The following STK39 variants were observed in gnomAD, a reference collection of about 807,000 sequenced individuals.
STK39 encodes the protein STE20/SPS1-related proline-alanine-rich protein kinase.
Under a neutral mutation model 77.8 loss-of-function variants are expected in STK39, and 20 were observed. The ratio of observed to expected loss-of-function variants is 0.26; its 90% CI spans 0.18 to 0.37. The LOEUF is 0.37. Ranked by LOEUF, STK39 falls within the 10% of genes least tolerant of loss-of-function variation. The pLI, the probability that STK39 is intolerant of heterozygous loss-of-function variation, is 1.00. For synonymous variants in STK39, 246 were observed against 234.1 expected (o/e 1.05, Z -0.47); for missense variants, 479 against 656.5 (o/e 0.73, Z 2.95).
At chr2:168,055,316 T>C (rs965051146) in intron 14 of STK39, among the ~76,000 whole-genome samples, 1 of 152,244 alleles carries the variant, frequency 6.6e-6, no homozygotes, top group African/African-American at 2.4e-5. Flanking sequence ...ACATCGTTTC[T>C]AACAGATTTA....
At chr2:168,200,652 G>A (rs72876940) in intron 1 of STK39, among the ~76,000 whole-genome samples, 5,346 of 151,242 alleles carry the variant, frequency 0.035, 173 homozygotes, top group Non-Finnish European at 0.055. Context: ...ACTCCAGCCC[G>A]GAAAACAGAG....
At chr2:168,104,551 A>G (rs1686919879) in intron 10 of STK39, among the ~76,000 whole-genome samples, 1 of 152,166 alleles carries the variant, frequency 6.6e-6, no homozygotes, top group Non-Finnish European at 1.5e-5. Context: ...GCACATGCTT[A>G]GGGGTGGGTA....
chr2:168,006,767 G>C (rs1684143166), intron 16 of STK39, among the ~76,000 whole-genome samples: 1 of 152,182 alleles, frequency 6.6e-6, no homozygotes, highest in Non-Finnish European at 1.5e-5. Flanking sequence ...CTTGCCTAAG[G>C]TAGTGCCGAG....
At chr2:168,032,798 G>A (rs1684861248) in intron 14 of STK39, among the ~76,000 whole-genome samples, 1 of 152,242 alleles carries the variant, frequency 6.6e-6, no homozygotes, top group African/African-American at 2.4e-5. Context: ...GAAAAGATAA[G>A]AGGGCCCTTT....
intron 14 of STK39, among the ~76,000 whole-genome samples, chr2:168,059,623 G>C (rs1685610904): frequency 6.6e-6 from 1 of 152,172 alleles, no homozygotes; most frequent in Non-Finnish European, 1.5e-5. Flanking sequence ...CGATGAGCAT[G>C]CCGCAATTTC....
chr2:168,132,019 C>T (rs914569378), intron 8 of STK39, among the ~76,000 whole-genome samples: 1 of 152,160 alleles, frequency 6.6e-6, no homozygotes, highest in African/African-American at 2.4e-5. Flanking sequence ...CAGTGTGCTG[C>T]TCAACGGCAA....
chr2:168,023,455 G>A (rs899018696), intron 14 of STK39, among the ~76,000 whole-genome samples: 2 of 152,158 alleles, frequency 1.3e-5, no homozygotes, highest in African/African-American at 4.8e-5. Flanking sequence ...TGGTGGAGGT[G>A]CAGAAGGCAG....
chr2:168,017,608 G>A lies in STK39; in HGVS notation c.1377-513C>T, dbSNP rs140842975. Reference sequence around the variant, plus strand: ...GCTGGTCCCAAACTCCCGACCTCAGGTGATCCCCCCAGCCTCGGCCTCCCA... The same window carrying A: ...GCTGGTCCCAAACTCCCGACCTCAGATGATCCCCCCAGCCTCGGCCTCCCA... On this transcript the variant is annotated intron_variant, in intron 14 of 17. Transcript: ENST00000355999. Among the ~76,000 whole-genome samples the A allele has an allele frequency of 3.0e-4, 46 of 151,980 alleles. 2 individuals carry two copies. The Middle Eastern group carries it at 0.024, about 79-fold the overall frequency.
intron 1 of STK39, among the ~76,000 whole-genome samples, chr2:168,228,227 G>A (rs1690358051): frequency 6.6e-6 from 1 of 152,112 alleles, no homozygotes; most frequent in Non-Finnish European, 1.5e-5. Context: ...CTTTTGCCAA[G>A]CAAGTATTAA....
intron 14 of STK39, among the ~76,000 whole-genome samples, chr2:168,020,447 AG>A (rs1190750624): frequency 6.6e-6 from 1 of 152,070 alleles, no homozygotes; most frequent in African/African-American, 2.4e-5. Flanking sequence ...TGTGTGAAAG[AG>A]TGAAAAAGGC....
chr2:167,981,509 CTT>C (rs1683416460), intron 16 of STK39, among the ~76,000 whole-genome samples: 1 of 152,138 alleles, frequency 6.6e-6, no homozygotes, highest in Non-Finnish European at 1.5e-5. Context: ...TTTGCAGAAA[CTT>C]CACAATCAGT....
At chr2:168,169,382 C>T (rs575221932) in intron 2 of STK39, among the ~76,000 whole-genome samples, 204 of 152,228 alleles carry the variant, frequency 1.3e-3, no homozygotes, top group African/African-American at 4.5e-3. Context: ...TTCAAAGAAA[C>T]GAGAACAATG....
chr2:168,146,424 T>C (rs3769396), intron 5 of STK39, among the ~76,000 whole-genome samples: 37,294 of 152,014 alleles, frequency 0.25, 6,465 homozygotes, highest in African/African-American at 0.47. Flanking sequence ...ACGGGATCAA[T>C]GTTTGAGAGT....
At chr2:168,085,206 C>G (rs1686334062) in intron 10 of STK39, among the ~76,000 whole-genome samples, 1 of 152,192 alleles carries the variant, frequency 6.6e-6, no homozygotes, top group Admixed American at 6.6e-5. Context: ...TGAGAAGGCT[C>G]CTTAGCTGCA....
intron 10 of STK39, among the ~76,000 whole-genome samples, chr2:168,086,212 C>T (rs2105424693): frequency 6.6e-6 from 1 of 152,222 alleles, no homozygotes; most frequent in Non-Finnish European, 1.5e-5. Flanking sequence ...ATTAATAGGT[C>T]GTATTTGGCA....
intron 5 of STK39, among the ~76,000 whole-genome samples, chr2:168,151,330 C>T (rs1390470903): frequency 6.6e-6 from 1 of 152,218 alleles, no homozygotes; most frequent in East Asian, 1.9e-4. Context: ...CTTCCCATGA[C>T]TGGGGTCTCA....
intron 16 of STK39, 68 bp downstream of exon 16, chr2:168,012,566 T>A (rs767986720): frequency 3.9e-6 from 5 of 1,291,470 alleles, no homozygotes; most frequent in Non-Finnish European, 5.5e-6. Flanking sequence ...AATGAACACT[T>A]TTGCTTCCAA....
At chr2:168,083,373 A>T (rs756316960) in intron 10 of STK39, among the ~76,000 whole-genome samples, 14 of 152,110 alleles carry the variant, frequency 9.2e-5, no homozygotes, top group South Asian at 4.1e-4. Flanking sequence ...CTTGTTTTAG[A>T]CATTTTTTAA....
At chr2:168,095,974 A>G (rs2105441972) in intron 10 of STK39, among the ~76,000 whole-genome samples, 1 of 152,326 alleles carries the variant, frequency 6.6e-6, no homozygotes, top group Admixed American at 6.5e-5. Context: ...TTTCCCAAGA[A>G]AAATAACTGA....
Sources: gnomAD v4.1 joint callset for allele counts (sites outside exome capture counted in the v4.1 genomes callset) on GRCh38, gnomAD v4.1.1 for gene constraint, MANE v1.5 for transcripts, NCBI Gene and HGNC (gene_info 2026-07-23, HGNC 2026-07-21) for gene names.